The following NCOA2 variants were observed in gnomAD, a reference collection of about 807,000 sequenced individuals.
NCOA2 encodes the protein nuclear receptor coactivator 2.
NCOA2 carries 21 observed loss-of-function variants against 145.1 expected under a neutral mutation model. That is an observed-to-expected ratio of 0.14 (90% CI 0.10 to 0.21). The LOEUF (loss-of-function observed/expected upper bound fraction) is 0.21, where lower values mean the gene tolerates loss of function less well. Among genes scored for constraint, NCOA2 ranks in the 10% least tolerant of loss-of-function variants. The probability of loss-of-function intolerance (pLI) is 1.00; values close to 1 mark genes in which losing one functional copy is unlikely to be tolerated. For missense variants in NCOA2, 1,472 were observed against 1,837.6 expected, an observed-to-expected ratio of 0.80 and a Z score of 3.64; for synonymous variants, 619 against 637.5, an observed-to-expected ratio of 0.97 and a Z score of 0.44.
intron 1 of NCOA2, among the ~76,000 whole-genome samples, chr8:70,308,904 T>C (rs1828093502): frequency 6.6e-6 from 1 of 152,162 alleles, no homozygotes; most frequent in South Asian, 2.1e-4. Flanking sequence ...GCTACTCTCA[T>C]TGAGAACTGA....
chr8:70,136,389 C>T (rs1449994476), intron 15 of NCOA2, among the ~76,000 whole-genome samples: 2 of 151,974 alleles, frequency 1.3e-5, no homozygotes, highest in Admixed American at 6.6e-5. Context: ...CAAAAATCCA[C>T]CAAATTGTGA....
intron 1 of NCOA2, among the ~76,000 whole-genome samples, chr8:70,321,405 C>A (rs922912467): frequency 1.3e-5 from 2 of 152,002 alleles, no homozygotes; most frequent in Non-Finnish European, 2.9e-5. Flanking sequence ...AGCACTCCAC[C>A]TGCCTCAGCC....
At chr8:70,452,837 G>C in the NCOA2 span, among the ~76,000 whole-genome samples, 1 of 152,084 alleles carries the variant, frequency 6.6e-6, no homozygotes, top group Non-Finnish European at 1.5e-5. Flanking sequence ...TATTCATAGG[G>C]CAATTAGAAG....
rs1368664319 is a variant in NCOA2, at chr8:70,144,672, T to C, written c.2782A>G (p.Asn928Asp). ...CTACTGTTCCCTAAATTTCCTTGGT[T>C]TCCTATCATCCCTTGATTACCCATC... Reference protein sequence around the residue: ...GMMGNQGMIGNQGNLGNSSTG... With the variant: ...GMMGNQGMIGDQGNLGNSSTG... The change falls in exon 13 of 23, where the codon AAC becomes GAC. Residue 928 changes from asparagine to aspartate, a missense_variant. Asn to Asp is a conservative substitution (Grantham distance 23). Transcript: ENST00000452400. 6.2e-7 allele frequency: 1 copy of C among 1,613,998 alleles called. No homozygotes were observed. The highest frequency in any genetic ancestry group is 1.7e-5 in the Admixed American group (1 of 60,028).
At chr8:70,210,872 T>C (rs1455251745) in intron 4 of NCOA2, among the ~76,000 whole-genome samples, 1 of 152,224 alleles carries the variant, frequency 6.6e-6, no homozygotes, top group African/African-American at 2.4e-5. Flanking sequence ...ATAATGGGCA[T>C]GTTCTCCTGA....
the NCOA2 span, among the ~76,000 whole-genome samples, chr8:70,427,956 A>C: frequency 3.3e-5 from 5 of 152,328 alleles, no homozygotes; most frequent in Middle Eastern, 6.8e-3. Context: ...TGCCACAAAA[A>C]TCAGTTCACA....
intron 10 of NCOA2, among the ~76,000 whole-genome samples, chr8:70,158,814 G>C (rs1812562570): frequency 6.6e-6 from 1 of 152,042 alleles, no homozygotes; most frequent in African/African-American, 2.4e-5. Context: ...AAACACACAG[G>C]AGCAGAAATC....
At chr8:70,177,955 T>C (rs1248597228) in intron 4 of NCOA2, among the ~76,000 whole-genome samples, 3 of 152,180 alleles carry the variant, frequency 2.0e-5, no homozygotes, top group Non-Finnish European at 4.4e-5. Context: ...AATAATGATG[T>C]TTGTGATAGT....
At chr8:70,446,352 G>A in the NCOA2 span, among the ~76,000 whole-genome samples, 1,162 of 152,204 alleles carry the variant, frequency 7.6e-3, 15 homozygotes, top group African/African-American at 0.026. Flanking sequence ...AACCCCTAAG[G>A]TGCCTTCCAG....
upstream of NCOA2, among the ~76,000 whole-genome samples, chr8:70,406,598 A>G (rs1217687224): frequency 6.6e-6 from 1 of 152,236 alleles, no homozygotes; most frequent in African/African-American, 2.4e-5. Context: ...CCGTGAATGG[A>G]TGAGGCAAGG....
chr8:70,329,327 T>C (rs569545862), intron 1 of NCOA2, among the ~76,000 whole-genome samples: 5 of 151,664 alleles, frequency 3.3e-5, no homozygotes, highest in Non-Finnish European at 5.9e-5. Flanking sequence ...ATGTGGATGG[T>C]CTCAAACTCC....
chr8:70,370,315 C>A (rs1811096666), intron 1 of NCOA2, among the ~76,000 whole-genome samples: 1 of 152,148 alleles, frequency 6.6e-6, no homozygotes, highest in African/African-American at 2.4e-5. Context: ...TTATTTCCCA[C>A]CTATATGAGA....
intron 14 of NCOA2, among the ~76,000 whole-genome samples, chr8:70,139,603 A>T (rs2131771564): frequency 1.4e-5 from 2 of 145,918 alleles, no homozygotes; most frequent in Middle Eastern, 7.0e-3. Flanking sequence ...CCAAGTTAGG[A>T]TGAAAATTCT....
At chr8:70,195,523 G>A (rs1042913620) in intron 4 of NCOA2, among the ~76,000 whole-genome samples, 1 of 152,146 alleles carries the variant, frequency 6.6e-6, no homozygotes, top group African/African-American at 2.4e-5. Flanking sequence ...AGCTTTGTCA[G>A]CCTAGAGGGA....
intron 2 of NCOA2, among the ~76,000 whole-genome samples, chr8:70,269,660 A>G (rs1341943913): frequency 2.0e-5 from 3 of 152,164 alleles, no homozygotes; most frequent in African/African-American, 7.2e-5. Flanking sequence ...TTAAATGTTA[A>G]TTTTCATTAA....
chr8:70,124,619 GC>G (rs1277177419), intron 20 of NCOA2, 68 bp downstream of exon 20: 1 of 1,430,848 alleles, frequency 7.0e-7, no homozygotes, highest in Non-Finnish European at 9.4e-7. Context: ...TCGGGTGCAG[GC>G]ATGAAGGTGG....
Position 70,156,945 on chromosome 8 carries a change from T to G in NCOA2, c.1420A>C (p.Ser474Arg). The G allele has an allele frequency of 6.2e-7, 1 of 1,614,070 alleles. No individual in the cohort carries two copies. The highest frequency in any genetic ancestry group is 8.5e-7 in the Non-Finnish European group (1 of 1,179,898). Residue 474 changes from serine to arginine, a missense_variant, in exon 11 of 23, where the codon AGC (serine) becomes CGC (arginine). Transcript: ENST00000452400. ...GGCTGTCCTGGATTCATGCCAGGGCTGCTTTGTGAGGGGCTGTTCATTTTG... is the reference window on the plus strand; with the variant it reads ...GGCTGTCCTGGATTCATGCCAGGGCGGCTTTGTGAGGGGCTGTTCATTTTG... ...ALKMNSPSQS[S>R]PGMNPGQPTS...
chr8:70,234,658 A>G (rs1013918683), intron 2 of NCOA2, among the ~76,000 whole-genome samples: 1 of 152,170 alleles, frequency 6.6e-6, no homozygotes, highest in African/African-American at 2.4e-5. Flanking sequence ...GGCTATTTGC[A>G]TATCTTCTTT....
chr8:70,453,262 G>A, the NCOA2 span, among the ~76,000 whole-genome samples: 32 of 152,264 alleles, frequency 2.1e-4, no homozygotes, highest in Non-Finnish European at 4.3e-4. Flanking sequence ...TTACCCTGGC[G>A]TTGGCCCACA....
Sources: allele counts gnomAD v4.1 joint callset (sites outside exome capture counted in the v4.1 genomes callset), GRCh38; gene constraint gnomAD v4.1.1; transcripts MANE v1.5; gene names NCBI Gene and HGNC (gene_info 2026-07-23, HGNC 2026-07-21).